The following OSBPL8 variants were observed in gnomAD, a reference collection of about 807,000 sequenced individuals.
The protein encoded by OSBPL8 is oxysterol-binding protein-related protein 8.
In OSBPL8, 59 loss-of-function variants were observed where a neutral mutation model predicts 125.5. That is an observed-to-expected ratio of 0.47 (90% CI 0.38 to 0.58). The LOEUF (loss-of-function observed/expected upper bound fraction) is 0.58. Ranked by LOEUF, OSBPL8 falls within the 20% of genes least tolerant of loss-of-function variation. The pLI is 0.00. For missense variants in OSBPL8, 758 were observed against 1,047.8 expected (o/e 0.72, Z 3.82); for synonymous variants, 330 against 338.9 (o/e 0.97, Z 0.29).
chr12:76,517,309 C>A (rs1417598209), intron 1 of OSBPL8, among the ~76,000 whole-genome samples: 1 of 151,978 alleles, frequency 6.6e-6, no homozygotes, highest in Non-Finnish European at 1.5e-5. Context: ...GACTCAAACT[C>A]CAAAAAATTT....
At chr12:76,365,908 G>A (rs531724305) in intron 21 of OSBPL8, among the ~76,000 whole-genome samples, 2 of 152,222 alleles carry the variant, frequency 1.3e-5, no homozygotes, top group South Asian at 4.1e-4. Flanking sequence ...TTCTTACGTG[G>A]AACCAACCTT....
intron 15 of OSBPL8, among the ~76,000 whole-genome samples, chr12:76,380,810 C>T (rs1953015670): frequency 6.6e-6 from 1 of 152,102 alleles, no homozygotes; most frequent in Non-Finnish European, 1.5e-5. Context: ...AGTAAACATC[C>T]TTGCCTTGTT....
intron 1 of OSBPL8, among the ~76,000 whole-genome samples, chr12:76,504,813 C>A (rs921592391): frequency 6.6e-6 from 1 of 152,186 alleles, no homozygotes; most frequent in African/African-American, 2.4e-5. Flanking sequence ...AGATTTGCAA[C>A]TTCCTCAATT....
At chr12:76,472,229 T>C (rs1433874250) in intron 2 of OSBPL8, among the ~76,000 whole-genome samples, 1 of 152,236 alleles carries the variant, frequency 6.6e-6, no homozygotes, top group African/African-American at 2.4e-5. Context: ...CTTAACATCA[T>C]TTTTAAGATT....
intron 1 of OSBPL8, among the ~76,000 whole-genome samples, chr12:76,550,794 A>G (rs1490996011): frequency 6.6e-6 from 1 of 152,224 alleles, no homozygotes; most frequent in Non-Finnish European, 1.5e-5. Flanking sequence ...TAAAGCTGAT[A>G]AAGAGAAAGG....
chr12:76,556,993 T>C (rs1166566862), intron 1 of OSBPL8, among the ~76,000 whole-genome samples: 1 of 152,152 alleles, frequency 6.6e-6, no homozygotes, highest in East Asian at 1.9e-4. Context: ...CAAGTTGTGT[T>C]TCTGTCTTAT....
rs767057550 is a variant in OSBPL8 at position 76,371,578 on chromosome 12, C to T, written c.1924G>A (p.Glu642Lys). The T allele has an allele frequency of 6.3e-7, 1 of 1,593,468 alleles. No homozygotes were observed. The highest frequency in any genetic ancestry group is 1.1e-5 in the South Asian group (1 of 88,080). Reference protein sequence around the residue: ...LATLEGHWDSEVFITDKKTDN... With the variant: ...LATLEGHWDSKVFITDKKTDN... ...GTCTTTTTATCAGTAATAAAAACTTCACTATCCTATATTTAAAAAAATTCA... is the reference window on the plus strand; with the variant it reads ...GTCTTTTTATCAGTAATAAAAACTTTACTATCCTATATTTAAAAAAATTCA... Residue 642 changes from glutamate (E) to lysine (K), a missense_variant, in exon 19 of 24, where the codon GAA becomes AAA. Glu to Lys is a moderately conservative substitution (Grantham distance 56, BLOSUM62 1). Transcript: ENST00000261183.
rs922134074 is a variant in OSBPL8, at chr12:76,354,684, GAAAC to G, written c.*1201_*1204del. On this transcript the variant is annotated 3_prime_UTR_variant, in exon 24 of 24. Coordinates refer to ENST00000261183, the MANE Select transcript of OSBPL8 (RefSeq NM_020841.5). ...CACAAAATCAAAATATTAAACTGAA[GAAAC>G]AAACAAAAAAATTTGCCTTAGCCTG... 8.6e-5 allele frequency: 13 copies of G among 151,920 alleles called. No homozygotes were observed. Among genetic ancestry groups the G allele is most frequent in the South Asian group, 2.1e-4 (1 of 4,818 alleles). The allele number at this position is 151,920 out of a possible 1,614,324, so 9.4% of individuals were successfully genotyped here.
At chr12:76,545,206 A>G (rs1014835347) in intron 1 of OSBPL8, among the ~76,000 whole-genome samples, 5 of 152,246 alleles carry the variant, frequency 3.3e-5, no homozygotes, top group Admixed American at 6.5e-5. Flanking sequence ...ACTGGCAACC[A>G]TATATTAATA....
chr12:76,459,442 A>G (rs1028941448), intron 3 of OSBPL8, among the ~76,000 whole-genome samples: 10 of 152,242 alleles, frequency 6.6e-5, no homozygotes, highest in African/African-American at 2.4e-4. Context: ...TACCCAAAGT[A>G]TAAAACAATT....
chr12:76,443,651 G>A (rs1299925407), intron 4 of OSBPL8, among the ~76,000 whole-genome samples: 2 of 151,984 alleles, frequency 1.3e-5, no homozygotes, highest in Admixed American at 1.3e-4. Context: ...TGGGACTATG[G>A]GCATGCACCA....
At chr12:76,490,373 C>A (rs768663269) in intron 1 of OSBPL8, among the ~76,000 whole-genome samples, 7 of 152,200 alleles carry the variant, frequency 4.6e-5, no homozygotes, top group Admixed American at 1.3e-4. Flanking sequence ...CCTGTCCTGC[C>A]CAACCCCATC....
At chr12:76,458,000 C>T (rs953513385) in intron 3 of OSBPL8, among the ~76,000 whole-genome samples, 1 of 152,170 alleles carries the variant, frequency 6.6e-6, no homozygotes, top group Non-Finnish European at 1.5e-5. Context: ...GGTGCAGTGG[C>T]TCACACCTGC....
At chr12:76,398,066 A>G (rs1953888913) in intron 7 of OSBPL8, among the ~76,000 whole-genome samples, 169 bp from the exon 8 acceptor site, 2 of 152,228 alleles carry the variant, frequency 1.3e-5, no homozygotes, top group Admixed American at 1.3e-4. Flanking sequence ...TGAAAATGAC[A>G]TGGCTCTTAT....
chr12:76,375,489 A>G (rs905274924), intron 16 of OSBPL8, 119 bp from the exon 17 acceptor site: 10 of 650,176 alleles, frequency 1.5e-5, no homozygotes, highest in Admixed American at 8.6e-5. Flanking sequence ...ACTCTGTCCC[A>G]CTCAAATGAA....
Position 76,389,751 on chromosome 12 carries a change from G to A in OSBPL8, c.1246C>T (p.Pro416Ser). Residue 416 changes from proline to serine, a missense_variant, in exon 12 of 24, where the codon CCT becomes TCT. By Grantham distance (74) the Pro-to-Ser change is moderately conservative. This residue lies in a region of OSBPL8 where 572 missense variants were observed against 762.0 expected (regional missense o/e 0.75). Coordinates refer to ENST00000261183, the MANE Select transcript of OSBPL8 (RefSeq NM_020841.5). ...LIWTLLKQVR[P>S]GMDLSKVVLP... ...ACCACCTTGGATAGGTCCATGCCAG[G>A]ACGGACTTGTTTCAATAGTGTCCAG... is the stretch of plus-strand genomic sequence containing the variant. The A allele has an allele frequency of 6.2e-7, 1 of 1,604,848 alleles. No homozygotes were observed. Among genetic ancestry groups the A allele is most frequent in the Non-Finnish European group, 8.5e-7 (1 of 1,174,386 alleles).
In OSBPL8 at chr12:76,487,617, T is replaced by C; in HGVS notation, c.-66A>G. On this transcript the variant is annotated splice_region_variant and 5_prime_UTR_variant, in exon 2 of 24. Transcript: ENST00000261183. ...TGCAGCCATTCTGTAAATCTGCAAATCCTAAAATAAGAAAATGATATTTAT... is the reference window on the plus strand; with the variant it reads ...TGCAGCCATTCTGTAAATCTGCAAACCCTAAAATAAGAAAATGATATTTAT... 2 of 1,350,562 alleles carry C rather than the reference T, an allele frequency of 1.5e-6. No homozygotes were observed. The highest frequency in any genetic ancestry group is 2.8e-5 in the South Asian group (2 of 70,882). 83.7% of individuals were successfully genotyped at this position (1,350,562 alleles called of 1,614,324 possible).
intron 1 of OSBPL8, among the ~76,000 whole-genome samples, chr12:76,546,415 G>C (rs1221398519): frequency 1.3e-5 from 2 of 151,640 alleles, no homozygotes; most frequent in African/African-American, 4.8e-5. Flanking sequence ...AAATTCTTGG[G>C]AAAATAATAA....
intron 1 of OSBPL8, among the ~76,000 whole-genome samples, chr12:76,509,723 CA>C (rs927805316): frequency 6.6e-5 from 10 of 152,052 alleles, no homozygotes; most frequent in African/African-American, 2.4e-4. Flanking sequence ...CACTGATGGA[CA>C]AGAAGGAAGT....
Sources: allele counts gnomAD v4.1 joint callset (sites outside exome capture counted in the v4.1 genomes callset), GRCh38; gene constraint gnomAD v4.1.1; regional missense constraint gnomAD v4.1.1; transcripts MANE v1.5; gene names NCBI Gene and HGNC (gene_info 2026-07-23, HGNC 2026-07-21).